TMTC1: variants seen among roughly 807,000 people sequenced by gnomAD.
The protein encoded by TMTC1 is protein O-mannosyl-transferase TMTC1.
A neutral mutation model predicts 104.8 loss-of-function variants in TMTC1; 73 were observed. That is an observed-to-expected ratio of 0.70 (90% CI 0.58 to 0.85). TMTC1 has a LOEUF of 0.85. TMTC1 is among the 40% of genes least tolerant of loss of function. The pLI, the probability that TMTC1 is intolerant of heterozygous loss-of-function variation, is 0.00. For synonymous variants in TMTC1, 434 were observed against 428.7 expected, an observed-to-expected ratio of 1.01 and a Z score of -0.15; for missense variants, 1,035 against 1,096.1, an observed-to-expected ratio of 0.94 and a Z score of 0.79.
chr12:29,736,722 TTC>T (rs1172927014), intron 5 of TMTC1, among the ~76,000 whole-genome samples: 5 of 152,024 alleles, frequency 3.3e-5, no homozygotes, highest in African/African-American at 9.7e-5. Context: ...CCGGCCTAAA[TTC>T]TCTCTCTTAA....
intron 6 of TMTC1, among the ~76,000 whole-genome samples, chr12:29,619,931 A>AG (rs1947086384): frequency 6.6e-6 from 1 of 152,218 alleles, no homozygotes. Flanking sequence ...CTGTCACTCA[A>AG]GGTAAAGGAT....
At chr12:29,544,030 G>A (rs756875526) in intron 10 of TMTC1, among the ~76,000 whole-genome samples, 1 of 152,116 alleles carries the variant, frequency 6.6e-6, no homozygotes, top group Admixed American at 6.5e-5. Flanking sequence ...GATCACCTGA[G>A]GTCAGGAGTT....
chr12:29,552,594 T>C (rs954048596), intron 10 of TMTC1, among the ~76,000 whole-genome samples: 3 of 152,194 alleles, frequency 2.0e-5, no homozygotes, highest in African/African-American at 7.2e-5. Flanking sequence ...TTCCATTCTG[T>C]GTCTTCTATT....
intron 5 of TMTC1, among the ~76,000 whole-genome samples, chr12:29,687,103 T>G (rs76212574): frequency 2.6e-5 from 4 of 152,032 alleles, no homozygotes; most frequent in Admixed American, 6.5e-5. Context: ...CGCAAGAAAA[T>G]AGTGGATTTT....
At chr12:29,638,844 TC>T (rs1460644324) in intron 5 of TMTC1, among the ~76,000 whole-genome samples, 7 of 152,230 alleles carry the variant, frequency 4.6e-5, no homozygotes, top group Admixed American at 1.3e-4. Context: ...TGGTGATCTG[TC>T]CTGCTCCCTC....
intron 5 of TMTC1, among the ~76,000 whole-genome samples, chr12:29,723,461 C>T (rs936827930): frequency 4.6e-5 from 7 of 152,170 alleles, no homozygotes; most frequent in African/African-American, 1.7e-4. Context: ...TGGCTCACAC[C>T]TGTAATCCCA....
chr12:29,689,917 T>C (rs1308251361), intron 5 of TMTC1, among the ~76,000 whole-genome samples: 1 of 152,176 alleles, frequency 6.6e-6, no homozygotes, highest in Non-Finnish European at 1.5e-5. Context: ...CAACTGTGTG[T>C]TCCTGATTAT....
chr12:29,773,662 A>G (rs1943644177), intron 1 of TMTC1, among the ~76,000 whole-genome samples: 1 of 152,162 alleles, frequency 6.6e-6, no homozygotes, highest in South Asian at 2.1e-4. Context: ...GCAAAATTTT[A>G]GAGGGCTGCC....
intron 6 of TMTC1, among the ~76,000 whole-genome samples, chr12:29,621,661 A>G (rs567919559): frequency 3.9e-5 from 6 of 152,182 alleles, no homozygotes; most frequent in African/African-American, 1.4e-4. Context: ...CTTCTTGTTG[A>G]GATGTGTGGG....
rs533274994 is a variant in TMTC1, at chr12:29,547,286, A to C, written c.1676+9571T>G. On this transcript the variant is annotated intron_variant, in intron 10 of 17. Coordinates refer to ENST00000539277, the MANE Select transcript of TMTC1 (RefSeq NM_001193451.2). ...TTCAGGTCTCCGCGGTGTTTACTGC[A>C]GTCATTACAAAAGGAAAAGGAAAGA... Among the ~76,000 whole-genome samples the C allele has an allele frequency of 9.8e-5, 15 of 152,336 alleles. No homozygotes were observed. In the South Asian group the frequency reaches 2.9e-3, roughly 29 times the overall value.
chr12:29,659,711 T>C (rs1008130325), intron 5 of TMTC1, among the ~76,000 whole-genome samples: 13 of 152,128 alleles, frequency 8.5e-5, no homozygotes, highest in African/African-American at 2.2e-4. Context: ...ATAGCAATAA[T>C]ACTGCCAAAA....
chr12:29,644,320 C>T (rs748962762), intron 5 of TMTC1, among the ~76,000 whole-genome samples: 3 of 151,120 alleles, frequency 2.0e-5, no homozygotes, highest in Non-Finnish European at 4.4e-5. Flanking sequence ...TGTGAGGATA[C>T]AAAGGCATAA....
chr12:29,714,330 C>G (rs984711768), intron 5 of TMTC1, among the ~76,000 whole-genome samples: 1 of 152,198 alleles, frequency 6.6e-6, no homozygotes, highest in Non-Finnish European at 1.5e-5. Context: ...GTGCTTTATG[C>G]ATATTGCCTG....
At chr12:29,669,884 A>G (rs988634445) in intron 5 of TMTC1, among the ~76,000 whole-genome samples, 4 of 152,200 alleles carry the variant, frequency 2.6e-5, no homozygotes, top group African/African-American at 9.7e-5. Context: ...CAGAACAGAG[A>G]GAACTGGCCC....
chr12:29,517,303 T>G, intron 14 of TMTC1, 124 bp downstream of exon 14: 1 of 1,029,222 alleles, frequency 9.7e-7, no homozygotes, highest in South Asian at 1.9e-5. Context: ...ATTAGCTGTA[T>G]GAATATTCAT....
chr12:29,747,896 T>C (rs1942995198), intron 5 of TMTC1, among the ~76,000 whole-genome samples: 1 of 152,110 alleles, frequency 6.6e-6, no homozygotes, highest in Non-Finnish European at 1.5e-5. Context: ...ATCAAGTAAG[T>C]GATAGAGCCA....
intron 5 of TMTC1, among the ~76,000 whole-genome samples, chr12:29,724,531 C>G (rs10082801): frequency 0.41 from 62,367 of 152,000 alleles, 13,170 homozygotes; most frequent in Non-Finnish European, 0.46. Context: ...ATAAGTGATA[C>G]AGCCATTATC....
intron 5 of TMTC1, among the ~76,000 whole-genome samples, chr12:29,678,730 G>A (rs1940814312): frequency 6.7e-6 from 1 of 149,940 alleles, no homozygotes; most frequent in African/African-American, 2.5e-5. Flanking sequence ...TTCATCTTTT[G>A]GAAACAAATG....
chr12:29,577,356 C>T (rs1000956382), intron 8 of TMTC1, among the ~76,000 whole-genome samples: 24 of 152,234 alleles, frequency 1.6e-4, no homozygotes, highest in South Asian at 1.5e-3. Flanking sequence ...TCTACATTTG[C>T]CCTGTTCTCT....
Sources: gnomAD v4.1 joint callset for allele counts (sites outside exome capture counted in the v4.1 genomes callset) on GRCh38, gnomAD v4.1.1 for gene constraint, MANE v1.5 for transcripts, NCBI Gene and HGNC (gene_info 2026-07-23, HGNC 2026-07-21) for gene names.